NPAS3: variants seen among roughly 807,000 people sequenced by gnomAD.
NPAS3 encodes the protein neuronal PAS domain-containing protein 3.
In NPAS3, 14 loss-of-function variants were observed where a neutral mutation model predicts 73.1. The ratio of observed to expected loss-of-function variants is 0.19; its 90% CI spans 0.13 to 0.30. The LOEUF is 0.30. Among genes scored for constraint, NPAS3 ranks in the 10% least tolerant of loss-of-function variants. The probability of loss-of-function intolerance (pLI) is 1.00; values close to 1 mark genes in which losing one functional copy is unlikely to be tolerated. For synonymous variants in NPAS3, 620 were observed against 541.5 expected, an observed-to-expected ratio of 1.14 and a Z score of -2.01; for missense variants, 1,096 against 1,250.0, an observed-to-expected ratio of 0.88 and a Z score of 1.86.
intron 4 of NPAS3, among the ~76,000 whole-genome samples, chr14:33,397,279 G>A (rs965385788): frequency 2.0e-5 from 3 of 152,076 alleles, no homozygotes; most frequent in Admixed American, 1.3e-4. Context: ...AACTTGTTAA[G>A]CACTTACTAA....
intron 2 of NPAS3, among the ~76,000 whole-genome samples, chr14:33,117,296 A>G (rs932095754): frequency 6.6e-6 from 1 of 152,052 alleles, no homozygotes; most frequent in South Asian, 2.1e-4. Context: ...ACTGGGGATC[A>G]TAGTCAAACT....
chr14:33,674,554 C>A (rs960477024), intron 5 of NPAS3, among the ~76,000 whole-genome samples: 1 of 152,174 alleles, frequency 6.6e-6, no homozygotes, highest in South Asian at 2.1e-4. Flanking sequence ...GGGATTATTT[C>A]CATGTAATCC....
intron 5 of NPAS3, among the ~76,000 whole-genome samples, chr14:33,612,165 G>A (rs897252828): frequency 2.6e-5 from 4 of 152,142 alleles, no homozygotes. Context: ...TAGGAGGCTG[G>A]CAGGGAGAAA....
intron 9 of NPAS3, among the ~76,000 whole-genome samples, chr14:33,779,432 T>A (rs2062915606): frequency 1.3e-5 from 2 of 151,894 alleles, no homozygotes; most frequent in African/African-American, 4.8e-5. Context: ...TGAAGATGAG[T>A]CTCCCCTACC....
At chr14:33,175,608 T>G (rs1299211606) in intron 2 of NPAS3, among the ~76,000 whole-genome samples, 2 of 152,158 alleles carry the variant, frequency 1.3e-5, no homozygotes, top group Admixed American at 1.3e-4. Flanking sequence ...TCTAAGAAGG[T>G]GTTTTGTGTT....
At position 33,788,513 on chromosome 14, in the gene NPAS3, T is replaced by C. The variant is rs186742727; in HGVS notation, c.1154-5384T>C. Among the ~76,000 whole-genome samples the C allele has an allele frequency of 7.2e-5, 11 of 152,372 alleles. No homozygotes were observed. The East Asian group carries it at 1.9e-3, about 27-fold the overall frequency. On this transcript the variant is annotated intron_variant, in intron 9 of 11. Transcript: ENST00000356141. ...CTTTGCTAAAAGACCGCTTTTGATA[T>C]GTGTTCTTCATCTCCTCTTCAAACT...
chr14:33,721,269 G>T (rs985681728), intron 6 of NPAS3, among the ~76,000 whole-genome samples: 7 of 152,078 alleles, frequency 4.6e-5, no homozygotes, highest in Non-Finnish European at 1.0e-4. Context: ...TCGGGGAGAG[G>T]TATTCTGTTA....
At chr14:33,181,536 G>C (rs1053676667) in intron 2 of NPAS3, among the ~76,000 whole-genome samples, 2 of 152,172 alleles carry the variant, frequency 1.3e-5, no homozygotes, top group Non-Finnish European at 1.5e-5. Context: ...TATCTGTGCA[G>C]TATAACTGGA....
At chr14:33,066,694 G>A (rs896556117) in intron 2 of NPAS3, among the ~76,000 whole-genome samples, 8 of 152,158 alleles carry the variant, frequency 5.3e-5, no homozygotes, top group African/African-American at 1.7e-4. Context: ...ACAGGAGAAT[G>A]ACTATAGCCA....
chr14:33,450,656 G>A (rs1198501985), intron 4 of NPAS3, among the ~76,000 whole-genome samples: 4 of 152,294 alleles, frequency 2.6e-5, no homozygotes, highest in Non-Finnish European at 4.4e-5. Context: ...TGTACTGTAT[G>A]TTAGAGTTGG....
Position 33,200,621 on chromosome 14 carries a change from A to G in NPAS3, c.141-14561A>G, listed in dbSNP as rs138218910. Among the ~76,000 whole-genome samples the G allele has an allele frequency of 3.2e-4, 48 of 152,120 alleles. 1 individual carries two copies. In the East Asian group the frequency reaches 8.7e-3, roughly 28 times the overall value. On this transcript the variant is annotated intron_variant, in intron 2 of 11. Coordinates refer to ENST00000356141, the Ensembl canonical transcript of NPAS3. Reference sequence around the variant, plus strand: ...GAAATGAGAATCATAAGGGGCCTACAAAGAGTTTCATTTTTAAAATAAGAT... The same window carrying G: ...GAAATGAGAATCATAAGGGGCCTACGAAGAGTTTCATTTTTAAAATAAGAT...
At chr14:33,690,988 T>C (rs533629407) in intron 6 of NPAS3, among the ~76,000 whole-genome samples, 1 of 152,294 alleles carries the variant, frequency 6.6e-6, no homozygotes, top group Non-Finnish European at 1.5e-5. Context: ...TTTAATCATC[T>C]AATGCACTGA....
chr14:33,125,143 C>G (rs1278141631), intron 2 of NPAS3, among the ~76,000 whole-genome samples: 1 of 151,912 alleles, frequency 6.6e-6, no homozygotes, highest in Admixed American at 6.6e-5. Context: ...AGTGCCCAGA[C>G]TTTTGCTTGG....
At chr14:33,784,137 A>G (rs1446102431) in intron 9 of NPAS3, among the ~76,000 whole-genome samples, 2 of 152,236 alleles carry the variant, frequency 1.3e-5, no homozygotes, top group Non-Finnish European at 2.9e-5. Context: ...TATCCAACCT[A>G]GTAAGCAAAA....
chr14:33,086,351 T>C (rs1398656029), intron 2 of NPAS3, among the ~76,000 whole-genome samples: 1 of 152,180 alleles, frequency 6.6e-6, no homozygotes, highest in Non-Finnish European at 1.5e-5. Context: ...ATTTTCCATA[T>C]ATTCTTCTAA....
intron 2 of NPAS3, among the ~76,000 whole-genome samples, chr14:33,132,775 A>T (rs1393900442): frequency 6.6e-6 from 1 of 152,206 alleles, no homozygotes; most frequent in Non-Finnish European, 1.5e-5. Context: ...TCAGTGTTCA[A>T]AGCCAGATGG....
chr14:33,306,546 G>C (rs144574172), intron 3 of NPAS3, among the ~76,000 whole-genome samples: 1 of 152,216 alleles, frequency 6.6e-6, no homozygotes, highest in Admixed American at 6.5e-5. Context: ...GCAGGAAGAT[G>C]AATTGTGGGA....
At chr14:33,430,918 A>G (rs903912277) in intron 4 of NPAS3, among the ~76,000 whole-genome samples, 1 of 152,206 alleles carries the variant, frequency 6.6e-6, no homozygotes, top group Non-Finnish European at 1.5e-5. Context: ...GTCATTTGCC[A>G]AAGTCTGTCT....
At chr14:33,577,269 T>C (rs1046469667) in intron 5 of NPAS3, among the ~76,000 whole-genome samples, 1 of 152,306 alleles carries the variant, frequency 6.6e-6, no homozygotes, top group East Asian at 1.9e-4. Context: ...CATATAGTTA[T>C]ACCAGGAATT....
Sources: allele counts gnomAD v4.1 joint callset (sites outside exome capture counted in the v4.1 genomes callset), GRCh38; gene constraint gnomAD v4.1.1; transcripts MANE v1.5; gene names NCBI Gene and HGNC (gene_info 2026-07-23, HGNC 2026-07-21).